CTNNA3: variants seen among roughly 807,000 people sequenced by gnomAD.
CTNNA3 encodes catenin alpha-3.
In CTNNA3, 76 loss-of-function variants were observed where a neutral mutation model predicts 95.7. The observed-to-expected ratio is 0.79, with a 90% confidence interval of 0.66 to 0.96. The LOEUF (loss-of-function observed/expected upper bound fraction) is 0.96. Ranked by LOEUF, CTNNA3 falls within the 40% of genes least tolerant of loss-of-function variation. The pLI is 0.00. For missense variants in CTNNA3, 1,191 were observed against 1,089.8 expected, an observed-to-expected ratio of 1.09 and a Z score of -1.31; for synonymous variants, 431 against 374.4, an observed-to-expected ratio of 1.15 and a Z score of -1.74.
At chr10:66,120,917 TTGTCCCCTAA>T (rs2082545876) in intron 13 of CTNNA3, among the ~76,000 whole-genome samples, 2 of 152,242 alleles carry the variant, frequency 1.3e-5, no homozygotes, top group Non-Finnish European at 2.9e-5. Flanking sequence ...GCACTCCTTG[TTGTCCCCTAA>T]TGCACATGGA....
At chr10:66,870,391 T>C (rs1466492357) in intron 7 of CTNNA3, among the ~76,000 whole-genome samples, 1 of 152,218 alleles carries the variant, frequency 6.6e-6, no homozygotes, top group Admixed American at 6.5e-5. Context: ...CTTGGGAATT[T>C]ACAATAGCAT....
chr10:67,327,280 T>C (rs932454595), intron 5 of CTNNA3, among the ~76,000 whole-genome samples: 1 of 152,214 alleles, frequency 6.6e-6, no homozygotes, highest in Non-Finnish European at 1.5e-5. Flanking sequence ...GATGTGGTCA[T>C]TTGGAGCAAA....
chr10:66,239,294 T>C (rs188609038), intron 13 of CTNNA3, among the ~76,000 whole-genome samples: 197 of 151,920 alleles, frequency 1.3e-3, no homozygotes, highest in African/African-American at 4.4e-3. Flanking sequence ...TTATTTTAAT[T>C]CTAAAATATA....
chr10:67,011,345 A>T (rs1351459559), intron 7 of CTNNA3, among the ~76,000 whole-genome samples: 2 of 151,924 alleles, frequency 1.3e-5, no homozygotes, highest in Non-Finnish European at 2.9e-5. Flanking sequence ...TCTCAAAAAA[A>T]AAAAAAAAAA....
intron 11 of CTNNA3, among the ~76,000 whole-genome samples, chr10:66,490,311 C>T (rs1274119546): frequency 6.6e-6 from 1 of 152,090 alleles, no homozygotes; most frequent in Admixed American, 6.5e-5. Context: ...TAATACACAT[C>T]ATTTCAAGTT....
intron 10 of CTNNA3, among the ~76,000 whole-genome samples, chr10:66,592,225 A>T (rs953810674): frequency 2.0e-5 from 3 of 151,848 alleles, no homozygotes; most frequent in Admixed American, 2.0e-4. Flanking sequence ...ATACAATAAT[A>T]CTTTTCATAG....
At chr10:67,489,535 C>T (rs938329348) in intron 5 of CTNNA3, among the ~76,000 whole-genome samples, 19 of 152,182 alleles carry the variant, frequency 1.2e-4, no homozygotes, top group African/African-American at 4.6e-4. Flanking sequence ...CCAAGAAAAG[C>T]ACCTTGGCCC....
At chr10:67,598,126 A>G (rs1256595081) in intron 3 of CTNNA3, among the ~76,000 whole-genome samples, 2 of 151,910 alleles carry the variant, frequency 1.3e-5, no homozygotes, top group African/African-American at 4.8e-5. Flanking sequence ...AAAGGCCAAA[A>G]CCACCTAGAG....
chr10:67,711,750 C>T (rs1374972386), intron 1 of CTNNA3, among the ~76,000 whole-genome samples: 2 of 124,380 alleles, frequency 1.6e-5, no homozygotes, highest in Non-Finnish European at 3.2e-5. Context: ...CACCCCACAA[C>T]TGTCCCCAGA....
chr10:66,812,536 C>T (rs368647217), intron 7 of CTNNA3, among the ~76,000 whole-genome samples: 28 of 152,170 alleles, frequency 1.8e-4, no homozygotes, highest in African/African-American at 6.0e-4. Context: ...TCACGACTTT[C>T]GGTATGTTAT....
chr10:67,058,600 C>G (rs1034750800), intron 7 of CTNNA3, among the ~76,000 whole-genome samples: 1 of 152,090 alleles, frequency 6.6e-6, no homozygotes, highest in African/African-American at 2.4e-5. Flanking sequence ...CATTGCCCTG[C>G]AAGGCCCCTT....
At chr10:66,664,100 T>C (rs1355060215) in intron 9 of CTNNA3, among the ~76,000 whole-genome samples, 5 of 152,012 alleles carry the variant, frequency 3.3e-5, no homozygotes, top group East Asian at 3.9e-4. Flanking sequence ...TTATATTTTA[T>C]ATTAATTTTT....
chr10:66,860,994 G>A (rs981107316), intron 7 of CTNNA3, among the ~76,000 whole-genome samples: 3 of 152,080 alleles, frequency 2.0e-5, no homozygotes, highest in Non-Finnish European at 4.4e-5. Flanking sequence ...CTCTCATGGG[G>A]GAGGCCAGGG....
intron 7 of CTNNA3, among the ~76,000 whole-genome samples, chr10:66,857,030 T>C (rs2132398811): frequency 6.6e-6 from 1 of 152,204 alleles, no homozygotes; most frequent in African/African-American, 2.4e-5. Context: ...AGGGTTTTTG[T>C]AGTTTTAAGT....
chr10:67,331,327 A>T (rs1490784438), intron 5 of CTNNA3, among the ~76,000 whole-genome samples: 1 of 152,242 alleles, frequency 6.6e-6, no homozygotes, highest in East Asian at 1.9e-4. Context: ...AAAAGTGAAT[A>T]AACTGCTGTG....
At chr10:67,467,374 C>T (rs368500221) in intron 5 of CTNNA3, among the ~76,000 whole-genome samples, 28 of 151,934 alleles carry the variant, frequency 1.8e-4, no homozygotes, top group African/African-American at 6.5e-4. Flanking sequence ...TGATATTAGC[C>T]CTACATAAGT....
chr10:67,759,522 T>C (rs771614410), intron 1 of CTNNA3, among the ~76,000 whole-genome samples: 1 of 152,192 alleles, frequency 6.6e-6, no homozygotes, highest in Non-Finnish European at 1.5e-5. Context: ...GAACAAGGAT[T>C]TGGGGTCTGA....
At position 67,693,562 on chromosome 10, in the gene CTNNA3, C is replaced by T. The variant is rs75559394; in HGVS notation, c.-6+2438G>A. On this transcript the variant is annotated intron_variant, in intron 1 of 17. Transcript: ENST00000433211. ...TCATGGGGAATAGAGAATGAAACTC[C>T]CATCCTTCTGTAGCTATGGTTTTTC... is the stretch of plus-strand genomic sequence containing the variant. 2.4e-3 allele frequency among the ~76,000 whole-genome samples: 366 copies of T among 152,144 alleles called. 2 individuals are homozygous for T. Among genetic ancestry groups the T allele is most frequent in the African/African-American group, 8.4e-3 (348 of 41,508 alleles).
intron 10 of CTNNA3, among the ~76,000 whole-genome samples, chr10:66,600,900 T>C (rs1482962420): frequency 1.3e-5 from 2 of 151,930 alleles, no homozygotes; most frequent in Non-Finnish European, 2.9e-5. Context: ...TCTATGTTCT[T>C]TGGAGAATTA....
Sources: gnomAD v4.1 joint callset for allele counts (sites outside exome capture counted in the v4.1 genomes callset) on GRCh38, gnomAD v4.1.1 for gene constraint, MANE v1.5 for transcripts, NCBI Gene and HGNC (gene_info 2026-07-23, HGNC 2026-07-21) for gene names.